RAB30: variants seen among roughly 807,000 people sequenced by gnomAD.
RAB30 encodes RAB30, member RAS oncogene family.
In RAB30, 9 loss-of-function variants were observed where a neutral mutation model predicts 25.1. That is an observed-to-expected ratio of 0.36 (90% CI 0.22 to 0.63). The LOEUF is 0.63. RAB30 is among the 20% of genes least tolerant of loss of function. The pLI, the probability that RAB30 is intolerant of heterozygous loss-of-function variation, is 0.69. For synonymous variants in RAB30, 77 were observed against 86.4 expected (o/e 0.89, Z 0.60); for missense variants, 140 against 243.5 (o/e 0.58, Z 2.83).
At chr11:83,030,419 T>C (rs775389817) in intron 1 of RAB30, among the ~76,000 whole-genome samples, 13 of 151,568 alleles carry the variant, frequency 8.6e-5, no homozygotes, top group South Asian at 2.1e-4. Flanking sequence ...GACTGCTTGA[T>C]CTCAGGAGGT....
At chr11:83,051,791 G>A (rs930779456) in intron 1 of RAB30, among the ~76,000 whole-genome samples, 1 of 152,074 alleles carries the variant, frequency 6.6e-6, no homozygotes, top group Non-Finnish European at 1.5e-5. Context: ...GATACCCTCA[G>A]GAGTTCTCAT....
At chr11:83,022,061 C>A (rs909462218) in intron 1 of RAB30, among the ~76,000 whole-genome samples, 1 of 151,870 alleles carries the variant, frequency 6.6e-6, no homozygotes, top group East Asian at 1.9e-4. Context: ...CACGGCTGTA[C>A]GTATGCCTGA....
In RAB30 at chr11:82,974,463, A is replaced by C. The variant is rs1856507240; in HGVS notation, c.*7702T>G. 6.6e-6 allele frequency: 1 copy of C among 152,216 alleles called. No homozygotes were observed. The highest frequency in any genetic ancestry group is 1.5e-5 in the Non-Finnish European group (1 of 68,038). The allele number at this position is 152,216 out of a possible 1,614,324, so 9.4% of individuals were successfully genotyped here. On this transcript the variant is annotated 3_prime_UTR_variant, in exon 5 of 5. Transcript: ENST00000527633. The stretch of plus-strand genomic sequence containing the variant: ...AGTAAAAAGATCAATATATGAACAC[A>C]TAAAATATGATGTAGTATACTGTTA...
Position 82,981,427 on chromosome 11 carries a change from G to C in RAB30, c.*738C>G, listed in dbSNP as rs1424387132. 6.6e-6 allele frequency: 1 copy of C among 152,594 alleles called. No homozygotes were observed. Among genetic ancestry groups the C allele is most frequent in the Non-Finnish European group, 1.5e-5 (1 of 68,024 alleles). The allele number at this position is 152,594 out of a possible 1,614,324, so 9.5% of individuals were successfully genotyped here. ...TTTAAAAAGGTAGTAATGAGACTTT[G>C]AGAAAGAGTGCTGATTCATGGACTT... On this transcript the variant is annotated 3_prime_UTR_variant, in exon 5 of 5. Transcript: ENST00000527633.
At chr11:83,049,385 T>G (rs1459605281) in intron 1 of RAB30, among the ~76,000 whole-genome samples, 1 of 136,392 alleles carries the variant, frequency 7.3e-6, no homozygotes, top group Admixed American at 8.3e-5. Flanking sequence ...CACTCCAGCC[T>G]GGCAACAAAG....
chr11:83,055,329 G>A (rs1007765808), intron 1 of RAB30, among the ~76,000 whole-genome samples: 11 of 152,204 alleles, frequency 7.2e-5, no homozygotes, highest in Admixed American at 3.9e-4. Flanking sequence ...TCAGGTCTCT[G>A]ACCACAGCAA....
intron 1 of RAB30, among the ~76,000 whole-genome samples, chr11:83,003,865 G>A (rs1857136182): frequency 6.6e-6 from 1 of 151,696 alleles, no homozygotes; most frequent in Non-Finnish European, 1.5e-5. Flanking sequence ...CAGAACTCAT[G>A]GTCTGCAAAT....
In RAB30 at chr11:82,980,978, C is replaced by G. The variant is rs148685715; in HGVS notation, c.*1187G>C. 7.9e-5 allele frequency: 12 copies of G among 152,298 alleles called. No homozygotes were observed. In the South Asian group the frequency reaches 8.3e-4, roughly 11 times the overall value. 9.4% of individuals were successfully genotyped at this position (152,298 alleles called of 1,614,324 possible). A position where few individuals can be genotyped will look rare whatever the true frequency, so the allele number is the denominator to read the frequency against. ...GGATAAATGACAGTTCAATCTGCTT[C>G]CACGAGCAGAATTTTTCTAAGGTTA... is the stretch of plus-strand genomic sequence containing the variant. On this transcript the variant is annotated 3_prime_UTR_variant, in exon 5 of 5. Transcript: ENST00000527633.
intron 1 of RAB30, among the ~76,000 whole-genome samples, chr11:83,031,369 T>C (rs564960068): frequency 1.4e-4 from 22 of 152,236 alleles, no homozygotes; most frequent in Non-Finnish European, 2.4e-4. Context: ...ATGTTCTACA[T>C]TCTAAATTTC....
At chr11:83,060,006 T>C (rs1858534661) in intron 1 of RAB30, 1 of 152,094 alleles carries the variant, frequency 6.6e-6, no homozygotes, top group East Asian at 1.9e-4. Flanking sequence ...AAGTCAGGAA[T>C]TCGAGACCAG....
At chr11:83,055,303 G>C (rs1858435727) in intron 1 of RAB30, among the ~76,000 whole-genome samples, 1 of 152,230 alleles carries the variant, frequency 6.6e-6, no homozygotes, top group Admixed American at 6.5e-5. Flanking sequence ...TCATGAACCT[G>C]GTTTAGACTT....
At chr11:83,045,434 T>C (rs1205139056) in intron 1 of RAB30, among the ~76,000 whole-genome samples, 1 of 152,146 alleles carries the variant, frequency 6.6e-6, no homozygotes. Flanking sequence ...CCCAGCTCTG[T>C]AAACATTTAT....
intron 1 of RAB30, among the ~76,000 whole-genome samples, chr11:83,032,086 T>A (rs1857877090): frequency 6.6e-6 from 1 of 152,198 alleles, no homozygotes; most frequent in African/African-American, 2.4e-5. Context: ...ATATTCCATA[T>A]GTCCAGTGTG....
intron 1 of RAB30, among the ~76,000 whole-genome samples, chr11:83,066,555 C>CT (rs144579202): frequency 0.036 from 5,478 of 152,014 alleles, 155 homozygotes; most frequent in East Asian, 0.1. Flanking sequence ...GTCAAGAATA[C>CT]TTTTTTTTGT....
At chr11:83,002,534 T>G (rs1011152381) in intron 1 of RAB30, among the ~76,000 whole-genome samples, 5 of 151,396 alleles carry the variant, frequency 3.3e-5, no homozygotes, top group Admixed American at 2.0e-4. Flanking sequence ...GATGAAAAAA[T>G]GAATTTTAAA....
chr11:83,069,260 A>G (rs1858776859), intron 1 of RAB30, among the ~76,000 whole-genome samples: 1 of 152,206 alleles, frequency 6.6e-6, no homozygotes, highest in African/African-American at 2.4e-5. Flanking sequence ...CAGAAGAAGA[A>G]AATTAGGAAT....
At chr11:83,036,078 G>A (rs147970721) in intron 1 of RAB30, among the ~76,000 whole-genome samples, 3 of 152,112 alleles carry the variant, frequency 2.0e-5, no homozygotes, top group African/African-American at 7.2e-5. Context: ...AGATAGAACT[G>A]CTATTATACA....
intron 1 of RAB30, among the ~76,000 whole-genome samples, chr11:83,068,108 AGT>A (rs1381586038): frequency 7.0e-6 from 1 of 142,334 alleles, no homozygotes; most frequent in East Asian, 2.0e-4. Context: ...TGGGCGACAG[AGT>A]GAGACTCTGT....
intron 1 of RAB30, among the ~76,000 whole-genome samples, chr11:83,028,107 A>G (rs1857767886): frequency 6.6e-6 from 1 of 152,216 alleles, no homozygotes; most frequent in Admixed American, 6.5e-5. Context: ...CAAGGGCGGA[A>G]ATACCATTAA....
Sources: gnomAD v4.1 joint callset for allele counts (sites outside exome capture counted in the v4.1 genomes callset) on GRCh38, gnomAD v4.1.1 for gene constraint, MANE v1.5 for transcripts, NCBI Gene and HGNC (gene_info 2026-07-23, HGNC 2026-07-21) for gene names.